The following SIRPG variants were observed in gnomAD, a reference collection of about 807,000 sequenced individuals.
SIRPG encodes signal-regulatory protein gamma.
A neutral mutation model predicts 35.7 loss-of-function variants in SIRPG; 38 were observed. That is an observed-to-expected ratio of 1.06 (90% CI 0.82 to 1.40). SIRPG has a LOEUF of 1.40. Ranked by LOEUF, SIRPG falls within the 40% of genes most tolerant of loss-of-function variation. SIRPG has a pLI of 0.00. For synonymous variants in SIRPG, 215 were observed against 190.4 expected, an observed-to-expected ratio of 1.13 and a Z score of -1.06; for missense variants, 519 against 483.0, an observed-to-expected ratio of 1.07 and a Z score of -0.70.
intron 2 of SIRPG, among the ~76,000 whole-genome samples, chr20:1,645,395 G>A (rs2091890860): frequency 6.6e-6 from 1 of 152,052 alleles, no homozygotes; most frequent in African/African-American, 2.4e-5. Context: ...GCGGATCCTG[G>A]GTCCAGGTTT....
the SIRPG span, among the ~76,000 whole-genome samples, chr20:1,666,883 C>T: frequency 6.6e-6 from 1 of 151,818 alleles, no homozygotes; most frequent in African/African-American, 2.4e-5. Flanking sequence ...ACATTTACTG[C>T]ACCTTTTAAT....
chr20:1,680,749 GCTAT>G, the SIRPG span, among the ~76,000 whole-genome samples: 1 of 152,200 alleles, frequency 6.6e-6, no homozygotes, highest in South Asian at 2.1e-4. Flanking sequence ...GACAAATGTG[GCTAT>G]CTTTCTATGA....
intron 1 of SIRPG, among the ~76,000 whole-genome samples, chr20:1,650,619 T>C (rs1162818623): frequency 6.6e-6 from 1 of 151,898 alleles, no homozygotes; most frequent in Non-Finnish European, 1.5e-5. Flanking sequence ...CACTATCAAG[T>C]GGATTGAAAT....
intron 1 of SIRPG, among the ~76,000 whole-genome samples, chr20:1,652,741 T>A (rs1393562017): frequency 6.6e-6 from 1 of 152,248 alleles, no homozygotes; most frequent in African/African-American, 2.4e-5. Flanking sequence ...TTATTTTTAT[T>A]GCACTTATCA....
chr20:1,684,171 A>G, the SIRPG span, among the ~76,000 whole-genome samples: 1 of 152,340 alleles, frequency 6.6e-6, no homozygotes, highest in Non-Finnish European at 1.5e-5. Context: ...AGAGTTTATA[A>G]GTTCTCACCA....
chr20:1,629,970 C>T (rs1033288413), intron 5 of SIRPG, among the ~76,000 whole-genome samples: 1 of 152,236 alleles, frequency 6.6e-6, no homozygotes, highest in African/African-American at 2.4e-5. Flanking sequence ...ACCACCCACT[C>T]ATCACTGCCT....
At chr20:1,657,619 T>C (rs777079513) in intron 1 of SIRPG, 23 bp downstream of exon 1, 1 of 1,612,788 alleles carries the variant, frequency 6.2e-7, no homozygotes, top group Non-Finnish European at 8.5e-7. Context: ...GGAGAAAGGG[T>C]TCTAGCCCAA....
At chr20:1,681,664 C>T in the SIRPG span, among the ~76,000 whole-genome samples, 237 of 147,720 alleles carry the variant, frequency 1.6e-3, no homozygotes, top group Non-Finnish European at 2.9e-3. Flanking sequence ...AACCCTGTCT[C>T]TACTAAAAAT....
Position 1,629,416 on chromosome 20 carries a change from A to C in SIRPG, c.*223T>G, listed in dbSNP as rs1048055. The C allele has an allele frequency of 0.69, 105,379 of 152,042 alleles. 36,828 individuals are homozygous for C. Among genetic ancestry groups the C allele is most frequent in the South Asian group, 0.87 (4,183 of 4,820 alleles). The allele number at this position is 152,042 out of a possible 1,614,324, so 9.4% of individuals were successfully genotyped here. ...AGTGCCCAGAGCCCAATCCCATGGC[A>C]CCTGCTCAGGACCATGAATGAAGAC... On this transcript the variant is annotated 3_prime_UTR_variant, in exon 6 of 6. Coordinates refer to ENST00000303415, the MANE Select transcript of SIRPG (RefSeq NM_018556.4).
chr20:1,664,809 C>T, the SIRPG span, among the ~76,000 whole-genome samples: 3 of 152,196 alleles, frequency 2.0e-5, no homozygotes, highest in African/African-American at 4.8e-5. Context: ...CAGCTCAGCC[C>T]TCCTCCTGAG....
At chr20:1,684,748 C>T in the SIRPG span, among the ~76,000 whole-genome samples, 1 of 152,218 alleles carries the variant, frequency 6.6e-6, no homozygotes, top group Non-Finnish European at 1.5e-5. Flanking sequence ...ATCCCAGCTG[C>T]TCCACTGACT....
chr20:1,646,533 G>C (rs1196909690), intron 2 of SIRPG: 2 of 152,262 alleles, frequency 1.3e-5, no homozygotes, highest in African/African-American at 4.8e-5. Context: ...CTTCATGTGT[G>C]CTGAGACCTG....
chr20:1,649,902 A>T (rs1337019529), intron 1 of SIRPG, among the ~76,000 whole-genome samples: 1 of 149,346 alleles, frequency 6.7e-6, no homozygotes, highest in Non-Finnish European at 1.5e-5. Context: ...TAGTGCTGGG[A>T]TGACAGGTGA....
chr20:1,681,596 C>T, the SIRPG span, among the ~76,000 whole-genome samples: 1 of 152,156 alleles, frequency 6.6e-6, no homozygotes, highest in East Asian at 1.9e-4. Flanking sequence ...CTTTGGAAGG[C>T]TGAGGTGGGC....
rs2091802407 is a variant in SIRPG at position 1,636,391 on chromosome 20, C to T, written c.545G>A (p.Trp182Ter). 9 of 1,614,086 alleles carry T rather than the reference C, an allele frequency of 5.6e-6. No homozygotes were observed. The highest frequency in any genetic ancestry group is 1.1e-5 in the South Asian group (1 of 91,090). Residue 182 changes from tryptophan (W) to a stop codon, truncating the protein, a stop_gained, in exon 3 of 6, where the codon TGG (tryptophan) becomes TAG (stop). Coordinates refer to ENST00000303415, the MANE Select transcript of SIRPG (RefSeq NM_018556.4). LOFTEE classifies it high-confidence loss of function. Reference sequence around the variant, plus strand: ...TGAGAGCTCATTCCCATTTTTGAACCATTTCAGGGTGATGTCTCTGGGAGA... The same window carrying T: ...TGAGAGCTCATTCCCATTTTTGAACTATTTCAGGGTGATGTCTCTGGGAGA... ...GFSPRDITLK[W>*]FKNGNELSDF...
chr20:1,678,488 T>C, the SIRPG span, among the ~76,000 whole-genome samples: 1 of 150,828 alleles, frequency 6.6e-6, no homozygotes, highest in African/African-American at 2.5e-5. Context: ...GGGAAAAAAA[T>C]CAAGAAACTG....
the SIRPG span, among the ~76,000 whole-genome samples, chr20:1,686,240 C>A: frequency 6.6e-6 from 1 of 152,016 alleles, no homozygotes; most frequent in African/African-American, 2.4e-5. Context: ...CTTGGGAGCA[C>A]TTGTGTTTGT....
At chr20:1,645,423 A>G (rs4813190) in intron 2 of SIRPG, among the ~76,000 whole-genome samples, 29,559 of 152,070 alleles carry the variant, frequency 0.19, 3,597 homozygotes, top group Admixed American at 0.32. Context: ...TTTTTGTCAA[A>G]GTTTCCCAGG....
rs775904582 is a variant in SIRPG at position 1,636,286 on chromosome 20, G to T, written c.650C>A (p.Pro217His). 1.5e-5 allele frequency: 24 copies of T among 1,614,218 alleles called. No homozygotes were observed. The Middle Eastern group carries it at 5.0e-4, about 33-fold the overall frequency. ...GATGACCTGAGAGCGAACGTCCCAG[G>T]GGTCCAGTACCACCCTGGCTGTGCT... is the stretch of plus-strand genomic sequence containing the variant. The part of the protein sequence containing the change: ...IRSTARVVLD[P>H]WDVRSQVICE... Residue 217 changes from proline to histidine, a missense_variant, in exon 3 of 6, where the codon CCC (proline) becomes CAC (histidine). Physicochemically the swap from Pro to His is moderately conservative, Grantham distance 77 (BLOSUM62 -2). Coordinates refer to ENST00000303415, the MANE Select transcript of SIRPG (RefSeq NM_018556.4).
Sources: gnomAD v4.1 joint callset for allele counts (sites outside exome capture counted in the v4.1 genomes callset) on GRCh38, gnomAD v4.1.1 for gene constraint, MANE v1.5 for transcripts, NCBI Gene and HGNC (gene_info 2026-07-23, HGNC 2026-07-21) for gene names.